The following SNTG1 variants were observed in gnomAD, a reference collection of about 807,000 sequenced individuals.
SNTG1 encodes gamma-1-syntrophin.
SNTG1 carries 39 observed loss-of-function variants against 74.7 expected under a neutral mutation model. That is an observed-to-expected ratio of 0.52 (90% CI 0.40 to 0.68). The LOEUF is 0.68. Ranked by LOEUF, SNTG1 falls within the 30% of genes least tolerant of loss-of-function variation. The pLI is 0.00. For synonymous variants in SNTG1, 254 were observed against 217.1 expected (o/e 1.17, Z -1.49); for missense variants, 685 against 609.5 (o/e 1.12, Z -1.30).
intron 2 of SNTG1, among the ~76,000 whole-genome samples, chr8:50,329,406 C>A (rs115025560): frequency 6.6e-6 from 1 of 152,154 alleles, no homozygotes; most frequent in Non-Finnish European, 1.5e-5. Flanking sequence ...CCTGGACATC[C>A]GCGCATTCCC....
At chr8:50,439,816 T>A in intron 5 of SNTG1, among the ~76,000 whole-genome samples, 1 of 141,178 alleles carries the variant, frequency 7.1e-6, no homozygotes, top group East Asian at 2.2e-4. Flanking sequence ...TAAAATCCAA[T>A]AGTGAGAGCT....
chr8:50,758,508 T>C (rs77361532), intron 18 of SNTG1, among the ~76,000 whole-genome samples: 1 of 151,954 alleles, frequency 6.6e-6, no homozygotes, highest in Non-Finnish European at 1.5e-5. Context: ...GTGTGTGTTG[T>C]CTCCTTCCCT....
intron 13 of SNTG1, among the ~76,000 whole-genome samples, chr8:50,641,179 C>G (rs115938620): frequency 6.6e-6 from 1 of 152,156 alleles, no homozygotes; most frequent in Non-Finnish European, 1.5e-5. Context: ...CTGAAGTACA[C>G]GCCTAAAGCA....
intron 15 of SNTG1, among the ~76,000 whole-genome samples, chr8:50,693,352 G>T (rs934495803): frequency 3.9e-5 from 6 of 152,080 alleles, no homozygotes; most frequent in African/African-American, 1.4e-4. Context: ...CACTCACTCT[G>T]GGAGCTGTAG....
At chr8:50,709,700 A>G (rs775053125) in intron 17 of SNTG1, among the ~76,000 whole-genome samples, 2 of 152,188 alleles carry the variant, frequency 1.3e-5, no homozygotes, top group Non-Finnish European at 2.9e-5. Flanking sequence ...TCCCCATTCA[A>G]CTGCTAATCT....
intron 1 of SNTG1, among the ~76,000 whole-genome samples, chr8:49,958,152 G>C (rs1221412615): frequency 6.6e-6 from 1 of 152,078 alleles, no homozygotes; most frequent in Non-Finnish European, 1.5e-5. Flanking sequence ...CCATTTACTA[G>C]GGCTCCAAGG....
At chr8:50,408,446 C>T (rs1563346272) in intron 4 of SNTG1, among the ~76,000 whole-genome samples, 1 of 152,062 alleles carries the variant, frequency 6.6e-6, no homozygotes, top group Non-Finnish European at 1.5e-5. Flanking sequence ...AAAAGTGGTT[C>T]CAAAAGCCCT....
chr8:50,217,700 T>G (rs1279197689), intron 2 of SNTG1, among the ~76,000 whole-genome samples: 2 of 152,190 alleles, frequency 1.3e-5, no homozygotes, highest in African/African-American at 2.4e-5. Context: ...CAGAATATAC[T>G]CTTCATAACA....
intron 1 of SNTG1, among the ~76,000 whole-genome samples, chr8:49,972,550 A>G (rs1003749291): frequency 1.3e-5 from 2 of 152,190 alleles, no homozygotes; most frequent in Admixed American, 1.3e-4. Context: ...TCTGCACAGC[A>G]AAAGAAACTA....
intron 2 of SNTG1, among the ~76,000 whole-genome samples, chr8:50,259,523 AGAAAGAAAGAAAG>A (rs2087067253): frequency 1.7e-4 from 2 of 11,892 alleles, no homozygotes; most frequent in African/African-American, 2.2e-4. Context: ...AAAGAAAGAA[AGAAAGAAAGAAAG>A]AAAGAAAGAA....
rs531500712 is a variant in SNTG1, at chr8:50,505,063, C to T, written c.466+2183C>T. Among the ~76,000 whole-genome samples the T allele has an allele frequency of 1.9e-3, 283 of 152,218 alleles. 1 individual carries two copies. The highest frequency in any genetic ancestry group is 6.5e-3 in the African/African-American group (268 of 41,546). ...ATAAGAATTTGACTACTTTAGACACCTTATGCACTTGGAATAATCCAGTAT... is the reference window on the plus strand; with the variant it reads ...ATAAGAATTTGACTACTTTAGACACTTTATGCACTTGGAATAATCCAGTAT... On this transcript the variant is annotated intron_variant, in intron 9 of 18. Transcript: ENST00000642720.
rs1261208572 is a variant in SNTG1, at chr8:50,553,083, G to T, written c.714G>T (p.Gly238=). The change falls in exon 12 of 19, where the codon GGG becomes GGT. Residue 238 remains glycine (G), a synonymous_variant. Coordinates refer to ENST00000642720, the MANE Select transcript of SNTG1 (RefSeq NM_018967.5). ...QNAFQVIAVD[G]VCTGIIQCLS... ...CCTTTCAAGTCATTGCTGTGGATGG[G>T]GTCTGCACTGGGATTATTCAGTGCC... 6 of 1,613,788 alleles carry T rather than the reference G, an allele frequency of 3.7e-6. No individual in the cohort carries two copies. The highest frequency in any genetic ancestry group is 3.3e-5 in the Admixed American group (2 of 59,960).
chr8:50,133,695 C>A (rs917086668), intron 1 of SNTG1, among the ~76,000 whole-genome samples: 1 of 152,104 alleles, frequency 6.6e-6, no homozygotes, highest in Non-Finnish European at 1.5e-5. Context: ...TCTCTGCCTC[C>A]ACTGGCACAT....
At chr8:50,349,289 G>C (rs2091574397) in intron 2 of SNTG1, among the ~76,000 whole-genome samples, 1 of 152,090 alleles carries the variant, frequency 6.6e-6, no homozygotes. Context: ...TCTACACAGG[G>C]GTAAGACATA....
At chr8:50,375,258 G>A (rs1288163437) in intron 2 of SNTG1, among the ~76,000 whole-genome samples, 1 of 152,090 alleles carries the variant, frequency 6.6e-6, no homozygotes, top group Non-Finnish European at 1.5e-5. Flanking sequence ...GTCATCAGAT[G>A]GCCTTCAGGC....
intron 9 of SNTG1, among the ~76,000 whole-genome samples, chr8:50,515,475 G>A (rs2094125137): frequency 6.7e-6 from 1 of 149,164 alleles, no homozygotes; most frequent in Admixed American, 6.7e-5. Flanking sequence ...CCTGGAAAGG[G>A]GGCTGAAGCC....
At chr8:50,733,980 G>A (rs959334572) in intron 17 of SNTG1, among the ~76,000 whole-genome samples, 2 of 151,472 alleles carry the variant, frequency 1.3e-5, no homozygotes, top group African/African-American at 4.8e-5. Flanking sequence ...ATAATTCTAT[G>A]TAATTTTTCT....
intron 2 of SNTG1, among the ~76,000 whole-genome samples, chr8:50,190,693 G>A (rs2083539946): frequency 6.6e-6 from 1 of 151,996 alleles, no homozygotes; most frequent in African/African-American, 2.4e-5. Context: ...AAAGCTTCTT[G>A]CACACACTTG....
chr8:50,350,351 C>T (rs563163237), intron 2 of SNTG1, among the ~76,000 whole-genome samples: 30 of 152,294 alleles, frequency 2.0e-4, no homozygotes, highest in African/African-American at 6.0e-4. Flanking sequence ...GGCCCTGGTG[C>T]GGGATCCACT....
Sources: allele counts gnomAD v4.1 joint callset (sites outside exome capture counted in the v4.1 genomes callset), GRCh38; gene constraint gnomAD v4.1.1; transcripts MANE v1.5; gene names NCBI Gene and HGNC (gene_info 2026-07-23, HGNC 2026-07-21).